MYO1C: variants seen among roughly 807,000 people sequenced by gnomAD.
MYO1C encodes the protein unconventional myosin-Ic.
MYO1C carries 104 observed loss-of-function variants against 150.8 expected under a neutral mutation model. The ratio of observed to expected loss-of-function variants is 0.69; its 90% CI spans 0.59 to 0.81. MYO1C has a LOEUF of 0.81. Among genes scored for constraint, MYO1C ranks in the 30% least tolerant of loss-of-function variants. The pLI, the probability that MYO1C is intolerant of heterozygous loss-of-function variation, is 0.00. For synonymous variants in MYO1C, 663 were observed against 579.9 expected (o/e 1.14, Z -2.06); for missense variants, 1,504 against 1,435.0 (o/e 1.05, Z -0.78).
chr17:1,492,181 G>A (rs953758916), intron 1 of MYO1C: 12 of 570,948 alleles, frequency 2.1e-5, no homozygotes, highest in Non-Finnish European at 3.8e-5. Flanking sequence ...TGAGGTTCGG[G>A]AAGCCGGGGA....
chr17:1,483,371 G>A (rs755847600), intron 3 of MYO1C, among the ~76,000 whole-genome samples: 9 of 151,872 alleles, frequency 5.9e-5, no homozygotes, highest in Non-Finnish European at 8.8e-5. Context: ...ACTAAGATTG[G>A]GGGGCCACTC....
At chr17:1,471,757 C>T in intron 19 of MYO1C, 150 bp downstream of exon 19, 2 of 849,830 alleles carry the variant, frequency 2.4e-6, no homozygotes, top group Non-Finnish European at 3.8e-6. Context: ...GTCAGGACCG[C>T]AGCACCAAGG....
chr17:1,474,732 G>A, intron 16 of MYO1C, 42 bp from the exon 17 acceptor site: 2 of 1,613,352 alleles, frequency 1.2e-6, no homozygotes, highest in Non-Finnish European at 1.7e-6. Flanking sequence ...CACAGGGACA[G>A]GCAGGACAGG....
At chr17:1,470,026 C>CAAAAAA in intron 24 of MYO1C, 149 bp downstream of exon 24, 1 of 741,134 alleles carries the variant, frequency 1.3e-6, no homozygotes. Context: ...GACTCCATCT[C>CAAAAAA]AAAAAAAAAA....
At chr17:1,467,607 G>A (rs1013182765) in intron 29 of MYO1C, 30 bp from the exon 30 acceptor site, 7 of 1,604,440 alleles carry the variant, frequency 4.4e-6, no homozygotes, top group Non-Finnish European at 5.1e-6. Context: ...GAGGGGTCAG[G>A]CCCTGCCCAG....
rs778703867 is a variant in MYO1C at position 1,492,446 on chromosome 17, G to A, written c.42C>T (p.Ile14=). The A allele has an allele frequency of 5.0e-6, 8 of 1,607,798 alleles. No homozygotes were observed. The Admixed American group carries it at 1.3e-4, about 27-fold the overall frequency. The change falls in exon 1 of 32, where the codon ATC becomes ATT. Residue 14 remains isoleucine, a synonymous_variant. Coordinates refer to ENST00000648651, the MANE Select transcript of MYO1C (RefSeq NM_001080779.2). The part of the protein sequence containing the change: ...QVELVPTGEI[I]RVVHPHRPCK... The stretch of plus-strand genomic sequence containing the variant: ...AGGGCCTGTGGGGATGAACCACGCG[G>A]ATGATCTCCCCGGTGGGTACCAGCT...
At position 1,477,722 on chromosome 17, in the gene MYO1C, A is replaced by C. The variant is rs547572018; in HGVS notation, c.1483-126T>G. Reference sequence around the variant, plus strand: ...CAGATCACAGGGAGTCTCCACAGAGAGCTTCCAACTGGGGCGGCACCTCCC... The same window carrying C: ...CAGATCACAGGGAGTCTCCACAGAGCGCTTCCAACTGGGGCGGCACCTCCC... On this transcript the variant is annotated intron_variant, in intron 13 of 31. Transcript: ENST00000648651. 2.1e-4 allele frequency: 210 copies of C among 983,820 alleles called. 2 individuals are homozygous for C. The East Asian group carries it at 4.7e-3, about 22-fold the overall frequency. The allele number at this position is 983,820 out of a possible 1,614,324, so 60.9% of individuals were successfully genotyped here.
chr17:1,468,135 G>A lies in MYO1C; in HGVS notation c.2761-12C>T, dbSNP rs1206577021. 6.2e-7 allele frequency: 1 copy of A among 1,613,310 alleles called. No homozygotes were observed. The highest frequency in any genetic ancestry group is 1.1e-5 in the South Asian group (1 of 91,074). On this transcript the variant is annotated splice_polypyrimidine_tract_variant and intron_variant, in intron 27 of 31. Transcript: ENST00000648651. The stretch of plus-strand genomic sequence containing the variant: ...ACAGGCACCGCATACTGGGGACAGA[G>A]GCCAGGCTGAAGGGGCTGGGGAGAG...
chr17:1,487,883 T>C (rs1272419051), intron 1 of MYO1C, among the ~76,000 whole-genome samples: 1 of 152,194 alleles, frequency 6.6e-6, no homozygotes, highest in East Asian at 1.9e-4. Context: ...ATTGTGCCAC[T>C]GCACTCCAGC....
Position 1,481,869 on chromosome 17 carries a change from T to C in MYO1C, c.627+609A>G, listed in dbSNP as rs570496521. On this transcript the variant is annotated intron_variant, in intron 5 of 31. Coordinates refer to ENST00000648651, the MANE Select transcript of MYO1C (RefSeq NM_001080779.2). The stretch of plus-strand genomic sequence containing the variant: ...GTTCTTGCAACAACCCAAAAGGGCC[T>C]GCACCGTTTGGCCTCTCTCTGTTCG... 4.0e-5 allele frequency among the ~76,000 whole-genome samples: 6 copies of C among 149,464 alleles called. No homozygotes were observed. In the South Asian group the frequency reaches 1.3e-3, roughly 32 times the overall value.
At chr17:1,475,426 A>C (rs1383006456) in intron 14 of MYO1C, among the ~76,000 whole-genome samples, 1 of 151,284 alleles carries the variant, frequency 6.6e-6, no homozygotes, top group Non-Finnish European at 1.5e-5. Context: ...GGGCTGGGTC[A>C]CTGAGGCAGG....
Position 1,479,667 on chromosome 17 carries a change from G to A in MYO1C, c.945C>T (p.Gly315=). ...CCTCGTTGGCAGCAAAGTGGATGTT[G>A]CCCAAATGAAGGACGCTGGCCACGA... ...LSIVASVLHL[G]NIHFAANEES... is the part of the protein sequence containing the mutation. The change falls in exon 8 of 32, where the codon GGC becomes GGT. Residue 315 remains glycine (G), a synonymous_variant. Coordinates refer to ENST00000648651, the MANE Select transcript of MYO1C (RefSeq NM_001080779.2). This position sits in a 1 kb window ranked among gnomAD's most constrained non-coding sequence, Gnocchi z 4.2. 1.9e-6 allele frequency: 3 copies of A among 1,613,382 alleles called. No individual in the cohort carries two copies. The East Asian group carries it at 6.7e-5, about 36-fold the overall frequency.
At position 1,468,550 on chromosome 17, in the gene MYO1C, G is replaced by C. The variant is rs190516949; in HGVS notation, c.2611-54C>G. ...GTCATGGTGGGGAGCACCATCTTGG[G>C]GGGGCAGAGCCAGCCTTAGGACCTG... On this transcript the variant is annotated intron_variant, in intron 25 of 31. Transcript: ENST00000648651. 1.2e-4 allele frequency: 178 copies of C among 1,458,760 alleles called. 1 individual carries two copies. The East Asian group carries it at 3.8e-3, about 31-fold the overall frequency. The allele number at this position is 1,458,760 out of a possible 1,614,324, so 90.4% of individuals were successfully genotyped here. A position where few individuals can be genotyped will look rare whatever the true frequency, so the allele number is the denominator to read the frequency against.
rs143444442 is a variant in MYO1C at position 1,484,280 on chromosome 17, C to G, written c.99G>C (p.Arg33=). Residue 33 remains arginine, a synonymous_variant, in exon 2 of 32, where the codon CGG becomes CGC. Transcript: ENST00000648651. ...CKLALGSDGV[R]VTMESALTAR... The stretch of plus-strand genomic sequence containing the variant: ...CGGTGAGCGCACTCTCCATGGTCAC[C>G]CGAACCCCGTCACTGCCCAGGGCCT... The G allele has an allele frequency of 1.2e-6, 2 of 1,611,110 alleles. No individual in the cohort carries two copies.
intron 25 of MYO1C, 142 bp from the exon 26 acceptor site, chr17:1,468,638 GC>G: frequency 2.9e-6 from 2 of 687,856 alleles, no homozygotes; most frequent in African/African-American, 1.8e-5. Flanking sequence ...GCTGAGCCCT[GC>G]CCCCCACACG....
At chr17:1,469,190 G>A (rs151007223) in intron 25 of MYO1C, 153 of 384,358 alleles carry the variant, frequency 4.0e-4, no homozygotes, top group African/African-American at 2.8e-3. Context: ...AAATACGGTA[G>A]GCGGGGTAAA....
intron 24 of MYO1C, 115 bp downstream of exon 24, chr17:1,470,060 G>T: frequency 9.0e-7 from 1 of 1,115,956 alleles, no homozygotes; most frequent in Non-Finnish European, 1.3e-6. Context: ...TCACTGCTCA[G>T]CTCTGGTCCG....
rs563351573 is a variant in MYO1C at position 1,470,013 on chromosome 17, TGA to T, written c.2526+160_2526+161del. Among the ~76,000 whole-genome samples, 286 of 151,374 alleles carry T rather than the reference TGA, an allele frequency of 1.9e-3. 1 individual carries two copies. The highest frequency in any genetic ancestry group is 6.1e-3 in the African/African-American group (251 of 40,848). ...TCATGCCACTCCCTGGGCGAAAGTG[TGA>T]GACTCCATCTCAAAAAAAAAAGAGA... On this transcript the variant is annotated intron_variant, in intron 24 of 31. Coordinates refer to ENST00000648651, the MANE Select transcript of MYO1C (RefSeq NM_001080779.2).
At chr17:1,491,447 ACC>A (rs891129765) in intron 1 of MYO1C, among the ~76,000 whole-genome samples, 64 of 54,030 alleles carry the variant, frequency 1.2e-3, no homozygotes, top group African/African-American at 3.4e-3. Context: ...GGGTCGTGGG[ACC>A]CCCCCCCCCC....
Sources: gnomAD v4.1 joint callset for allele counts (sites outside exome capture counted in the v4.1 genomes callset) on GRCh38, gnomAD v4.1.1 for gene constraint, Gnocchi (gnomAD v3.1) non-coding constraint, MANE v1.5 for transcripts, NCBI Gene and HGNC (gene_info 2026-07-23, HGNC 2026-07-21) for gene names.